Variants in DOCK8 observed in about 807,000 individuals in gnomAD.
The protein encoded by DOCK8 is dedicator of cytokinesis protein 8.
DOCK8 carries 141 observed loss-of-function variants against 245.6 expected under a neutral mutation model. That is an observed-to-expected ratio of 0.57 (90% CI 0.50 to 0.66). The LOEUF (loss-of-function observed/expected upper bound fraction) is 0.66, where lower values mean the gene tolerates loss of function less well. DOCK8 is among the 30% of genes least tolerant of loss of function. The pLI is 0.00. For missense variants in DOCK8, 2,965 were observed against 2,603.4 expected (o/e 1.14, Z -3.02); for synonymous variants, 1,168 against 970.2 (o/e 1.20, Z -3.79).
intron 6 of DOCK8, among the ~76,000 whole-genome samples, 185 bp from the exon 7 acceptor site, chr9:316,858 C>A (rs975153273): frequency 2.6e-5 from 4 of 152,136 alleles, no homozygotes; most frequent in African/African-American, 9.7e-5. Context: ...TGTTTTGCTG[C>A]AAATGCTGGC....
At chr9:396,527 C>T (rs2054463839) in intron 24 of DOCK8, among the ~76,000 whole-genome samples, 1 of 152,188 alleles carries the variant, frequency 6.6e-6, no homozygotes, top group Non-Finnish European at 1.5e-5. Flanking sequence ...AATTAAGCTC[C>T]TGGCTTTGTC....
intron 1 of DOCK8, among the ~76,000 whole-genome samples, chr9:228,943 C>T (rs558762880): frequency 7.2e-5 from 11 of 152,272 alleles, no homozygotes; most frequent in East Asian, 1.9e-4. Context: ...CCTCTTCACA[C>T]GGTCTCTTGT....
intron 29 of DOCK8, 66 bp from the exon 30 acceptor site, chr9:418,002 A>T: frequency 6.2e-7 from 1 of 1,608,322 alleles, no homozygotes; most frequent in Non-Finnish European, 8.5e-7. Flanking sequence ...TCAGTCTCTT[A>T]TTGGGTAGGG....
At chr9:307,164 C>T (rs2049872996) in intron 5 of DOCK8, among the ~76,000 whole-genome samples, 1 of 151,978 alleles carries the variant, frequency 6.6e-6, no homozygotes, top group Non-Finnish European at 1.5e-5. Flanking sequence ...CTAAAGGGAG[C>T]AGCAGACACA....
At chr9:323,478 C>A (rs762944563) in intron 7 of DOCK8, among the ~76,000 whole-genome samples, 1 of 152,066 alleles carries the variant, frequency 6.6e-6, no homozygotes, top group Non-Finnish European at 1.5e-5. Context: ...GCCTCGGCCT[C>A]CCAAAGTGCT....
Position 441,392 on chromosome 9 carries a change from G to A in DOCK8, c.5330G>A (p.Arg1777Lys), listed in dbSNP as rs1454215572. The part of the protein sequence containing the change: ...KLTLTHSKLQ[R>K]AFDSIVNKDH... ...ACACTCACTCACAGCAAGCTGCAGA[G>A]AGCCTTCGACAGCATCGTTAACAAG... is the stretch of plus-strand genomic sequence containing the variant. Residue 1777 changes from arginine (R) to lysine (K), a missense_variant, in exon 41 of 48, where the codon AGA becomes AAA. Physicochemically the swap from Arg to Lys is conservative, Grantham distance 26. This residue lies in a region of DOCK8 where 2,825 missense variants were observed against 2,453.5 expected (regional missense o/e 1.15). Transcript: ENST00000432829. 1 of 1,614,202 alleles carries A rather than the reference G, an allele frequency of 6.2e-7. No individual in the cohort carries two copies. Among genetic ancestry groups the A allele is most frequent in the African/African-American group, 1.3e-5 (1 of 75,050 alleles).
rs2049403876 is a variant in DOCK8 at position 299,006 on chromosome 9, A to G, written c.405-5575A>G. Among the ~76,000 whole-genome samples the G allele has an allele frequency of 3.3e-5, 5 of 152,246 alleles. No individual in the cohort carries two copies. The South Asian group carries it at 1.0e-3, about 32-fold the overall frequency. The stretch of plus-strand genomic sequence containing the variant: ...ATTAATGTTAGATAAATTCTTTGGT[A>G]ATTTTTCCCCCTAAAATTGGATTTT... On this transcript the variant is annotated intron_variant, in intron 4 of 47. Coordinates refer to ENST00000432829, the MANE Select transcript of DOCK8 (RefSeq NM_203447.4).
rs149303883 is a variant in DOCK8, at chr9:303,886, T to G, written c.405-695T>G. ...TGTGCACTTGACTTTGTAACATGTT[T>G]TCCAAAGATGTCTTTGAGTCATAAA... On this transcript the variant is annotated intron_variant, in intron 4 of 47. Coordinates refer to ENST00000432829, the MANE Select transcript of DOCK8 (RefSeq NM_203447.4). Among the ~76,000 whole-genome samples the G allele has an allele frequency of 9.9e-3, 1,501 of 152,334 alleles. 27 individuals carry two copies. The highest frequency in any genetic ancestry group is 0.034 in the African/African-American group (1,424 of 41,564).
Position 340,215 on chromosome 9 carries a change from C to T in DOCK8, c.1573C>T (p.Pro525Ser), listed in dbSNP as rs748148339. Residue 525 changes from proline (P) to serine (S), a missense_variant, in exon 14 of 48, where the codon CCT becomes TCT. Transcript: ENST00000432829. ...AGAGATCATCAATTGCTGTCTGACT[C>T]CTGAAATGCTGCCCGTGAAACCCTT... ...APEIINCCLT[P>S]EMLPVKPFPE... The T allele has an allele frequency of 1.2e-6, 2 of 1,614,034 alleles. No individual in the cohort carries two copies. The highest frequency in any genetic ancestry group is 1.3e-5 in the African/African-American group (1 of 74,908).
At chr9:331,325 G>A (rs1009962026) in intron 9 of DOCK8, among the ~76,000 whole-genome samples, 1 of 152,176 alleles carries the variant, frequency 6.6e-6, no homozygotes, top group Non-Finnish European at 1.5e-5. Flanking sequence ...TTCTCTTCAT[G>A]CTGTGGCAAT....
chr9:245,960 C>T (rs1021581876), intron 1 of DOCK8, among the ~76,000 whole-genome samples: 2 of 152,296 alleles, frequency 1.3e-5, no homozygotes, highest in Non-Finnish European at 2.9e-5. Flanking sequence ...TGGCTCACAC[C>T]TGTAACCCCA....
At chr9:288,687 A>C (rs935097745) in intron 3 of DOCK8, among the ~76,000 whole-genome samples, 14 of 152,194 alleles carry the variant, frequency 9.2e-5, no homozygotes, top group African/African-American at 3.4e-4. Context: ...TAAGGAGAGG[A>C]AACTGAGGCA....
chr9:390,399 G>T, intron 23 of DOCK8, 72 bp from the exon 24 acceptor site: 1 of 1,410,278 alleles, frequency 7.1e-7, no homozygotes, highest in South Asian at 1.2e-5. Context: ...GGGAATAAAA[G>T]AAAAGAAAAA....
At chr9:220,717 CTT>C (rs3046368) in intron 1 of DOCK8, 380 of 358,658 alleles carry the variant, frequency 1.1e-3, no homozygotes, top group Admixed American at 1.6e-3. Flanking sequence ...TAATTTCTTT[CTT>C]TTTTTTTTTT....
intron 14 of DOCK8, among the ~76,000 whole-genome samples, chr9:346,145 A>G (rs886947217): frequency 3.9e-5 from 6 of 152,056 alleles, no homozygotes; most frequent in Non-Finnish European, 7.4e-5. Context: ...CAATTCTGAA[A>G]GCAGAGCAGA....
chr9:365,086 G>C (rs1212199407), intron 14 of DOCK8, among the ~76,000 whole-genome samples: 1 of 152,254 alleles, frequency 6.6e-6, no homozygotes, highest in Non-Finnish European at 1.5e-5. Context: ...TAAGGTCAGA[G>C]CCATTGCCAA....
At chr9:450,943 G>T (rs2057409993) in intron 45 of DOCK8, among the ~76,000 whole-genome samples, 1 of 151,570 alleles carries the variant, frequency 6.6e-6, no homozygotes, top group African/African-American at 2.4e-5. Flanking sequence ...GCAACTCAAA[G>T]CACATACCAT....
At chr9:458,043 C>G (rs889473698) in intron 46 of DOCK8, 4 of 152,154 alleles carry the variant, frequency 2.6e-5, no homozygotes, top group African/African-American at 9.7e-5. Context: ...TGAGCTGTTC[C>G]CTCTAGTGAC....
At chr9:317,154 C>T (rs749991066) in intron 7 of DOCK8, 26 bp downstream of exon 7, 1 of 1,523,584 alleles carries the variant, frequency 6.6e-7, no homozygotes, top group Non-Finnish European at 9.1e-7. Flanking sequence ...CACACTGCCA[C>T]CGCTTTGAGA....
Sources: allele counts gnomAD v4.1 joint callset (sites outside exome capture counted in the v4.1 genomes callset), GRCh38; gene constraint gnomAD v4.1.1; regional missense constraint gnomAD v4.1.1; transcripts MANE v1.5; gene names NCBI Gene and HGNC (gene_info 2026-07-23, HGNC 2026-07-21).